Variants in SHQ1 observed in about 807,000 individuals in gnomAD.
SHQ1 encodes the protein SHQ1, H/ACA ribonucleoprotein assembly factor.
Under a neutral mutation model 53.8 loss-of-function variants are expected in SHQ1, and 49 were observed. That is an observed-to-expected ratio of 0.91 (90% confidence interval 0.72 to 1.16). The LOEUF (loss-of-function observed/expected upper bound fraction) is 1.16. Ranked by LOEUF, SHQ1 falls within the 50% of genes most tolerant of loss-of-function variation. The pLI is 0.00. For synonymous variants in SHQ1, 243 were observed against 251.0 expected (o/e 0.97, Z 0.30); for missense variants, 738 against 683.1 (o/e 1.08, Z -0.90).
At chr3:72,788,529 C>T (rs573073353) in intron 10 of SHQ1, among the ~76,000 whole-genome samples, 195 of 152,222 alleles carry the variant, frequency 1.3e-3, no homozygotes, top group African/African-American at 4.3e-3. Context: ...GCCGCCCCGT[C>T]GGGGAAGTGA....
At chr3:72,813,791 C>A (rs1707209566) in intron 8 of SHQ1, among the ~76,000 whole-genome samples, 2 of 145,274 alleles carry the variant, frequency 1.4e-5, no homozygotes, top group Admixed American at 6.8e-5. Flanking sequence ...ATACATAGAA[C>A]TCTTTAGTAA....
chr3:72,812,843 A>T (rs754952246), intron 8 of SHQ1, 49 bp from the exon 9 acceptor site: 10 of 1,608,164 alleles, frequency 6.2e-6, no homozygotes, highest in African/African-American at 5.3e-5. Flanking sequence ...AATGTTACAC[A>T]AACAAAAGTA....
At chr3:72,777,396 C>T (rs1209164903) in intron 10 of SHQ1, among the ~76,000 whole-genome samples, 3 of 152,172 alleles carry the variant, frequency 2.0e-5, no homozygotes, top group Admixed American at 1.3e-4. Flanking sequence ...AATAGACAGA[C>T]ATTTCATAGT....
intron 10 of SHQ1, among the ~76,000 whole-genome samples, chr3:72,782,595 C>T (rs1706101674): frequency 6.6e-6 from 1 of 152,128 alleles, no homozygotes; most frequent in Non-Finnish European, 1.5e-5. Flanking sequence ...TGTAATTAAT[C>T]CTCTATTTAT....
chr3:72,729,215 G>A, the SHQ1 span, among the ~76,000 whole-genome samples: 3 of 152,222 alleles, frequency 2.0e-5, no homozygotes, highest in African/African-American at 7.2e-5. Flanking sequence ...GGATTCGTTA[G>A]TGGCTCCTAT....
chr3:72,836,413 C>T lies in SHQ1; in HGVS notation c.487-3932G>A, dbSNP rs573014211. Among the ~76,000 whole-genome samples, 35 of 152,044 alleles carry T rather than the reference C, an allele frequency of 2.3e-4. No individual in the cohort carries two copies. In the East Asian group the frequency reaches 3.3e-3, roughly 14 times the overall value. On this transcript the variant is annotated intron_variant, in intron 4 of 10. Coordinates refer to ENST00000325599, the MANE Select transcript of SHQ1 (RefSeq NM_018130.3). ...CTGAGGCAGGAAAATGGGGTGAACC[C>T]GGGAGGCGGAGCTTGCAGTGAGCTG...
chr3:72,728,393 C>CCT, the SHQ1 span, among the ~76,000 whole-genome samples: 1 of 152,216 alleles, frequency 6.6e-6, no homozygotes, highest in Non-Finnish European at 1.5e-5. Context: ...TCACCTGACT[C>CCT]CTCTGAGGGG....
At chr3:72,758,428 T>C (rs2106713095) in intron 10 of SHQ1, among the ~76,000 whole-genome samples, 1 of 152,238 alleles carries the variant, frequency 6.6e-6, no homozygotes, top group East Asian at 1.9e-4. Context: ...CATCATCTAG[T>C]CCATGGATCA....
At chr3:72,758,315 T>G (rs1027617496) in intron 10 of SHQ1, among the ~76,000 whole-genome samples, 2 of 152,190 alleles carry the variant, frequency 1.3e-5, no homozygotes, top group Admixed American at 1.3e-4. Context: ...GGCTGCAAGC[T>G]AAAGAGTTAT....
chr3:72,842,039 T>G (rs1445168546), intron 3 of SHQ1, among the ~76,000 whole-genome samples: 1 of 152,212 alleles, frequency 6.6e-6, no homozygotes, highest in African/African-American at 2.4e-5. Context: ...TGCTAATATT[T>G]TGCCAACCAC....
the SHQ1 span, among the ~76,000 whole-genome samples, chr3:72,740,910 C>T: frequency 2.6e-5 from 4 of 152,142 alleles, no homozygotes; most frequent in Non-Finnish European, 5.9e-5. Context: ...AGACTGATTC[C>T]AGATTCACCT....
At chr3:72,746,101 C>A (rs1412308677), downstream of SHQ1, among the ~76,000 whole-genome samples, 1 of 152,168 alleles carries the variant, frequency 6.6e-6, no homozygotes, top group Non-Finnish European at 1.5e-5. Context: ...CCTCGGCCTC[C>A]CAAAGTGCTG....
chr3:72,820,087 T>C (rs138779665), intron 6 of SHQ1, among the ~76,000 whole-genome samples: 53 of 152,318 alleles, frequency 3.5e-4, no homozygotes, highest in African/African-American at 1.3e-3. Flanking sequence ...TCCCACATAA[T>C]TCTCAATCAC....
chr3:72,802,374 G>C (rs550484046), intron 9 of SHQ1, among the ~76,000 whole-genome samples: 1 of 152,262 alleles, frequency 6.6e-6, no homozygotes, highest in South Asian at 2.1e-4. Context: ...CCTAAGTGCT[G>C]CTGCCAGATG....
chr3:72,725,698 G>A, the SHQ1 span, among the ~76,000 whole-genome samples: 6 of 152,124 alleles, frequency 3.9e-5, no homozygotes, highest in Non-Finnish European at 5.9e-5. Context: ...CTGGGACACC[G>A]GAGGTACTCA....
chr3:72,816,896 T>C (rs917367697), intron 7 of SHQ1, among the ~76,000 whole-genome samples: 2 of 152,180 alleles, frequency 1.3e-5, no homozygotes, highest in Non-Finnish European at 2.9e-5. Flanking sequence ...CTTGCCAATG[T>C]GAAGTGTCAT....
intron 10 of SHQ1, among the ~76,000 whole-genome samples, chr3:72,781,106 C>A (rs561495455): frequency 6.7e-6 from 1 of 148,694 alleles, no homozygotes; most frequent in Non-Finnish European, 1.5e-5. Flanking sequence ...GTCACCCAGG[C>A]TAGAGTGCAG....
chr3:72,763,592 T>A (rs531266185), intron 10 of SHQ1, among the ~76,000 whole-genome samples: 30 of 152,262 alleles, frequency 2.0e-4, no homozygotes, highest in Middle Eastern at 6.8e-3. Context: ...CAAGATTAGG[T>A]CACACCGGAT....
intron 4 of SHQ1, among the ~76,000 whole-genome samples, chr3:72,840,282 G>C (rs1708136198): frequency 6.8e-6 from 1 of 148,122 alleles, no homozygotes; most frequent in South Asian, 2.1e-4. Context: ...ATAAACAATA[G>C]GCTGGTCACA....
Sources: gnomAD v4.1 joint callset for allele counts (sites outside exome capture counted in the v4.1 genomes callset) on GRCh38, gnomAD v4.1.1 for gene constraint, MANE v1.5 for transcripts, NCBI Gene and HGNC (gene_info 2026-07-23, HGNC 2026-07-21) for gene names.